CNBD1: variants seen among roughly 807,000 people sequenced by gnomAD.
The protein encoded by CNBD1 is cyclic nucleotide-binding domain-containing protein 1.
CNBD1 carries 71 observed loss-of-function variants against 54.4 expected under a neutral mutation model. That is an observed-to-expected ratio of 1.30 (90% CI 1.08 to 1.59). CNBD1 has a LOEUF of 1.59. Among genes scored for constraint, CNBD1 ranks in the 40% most tolerant of loss-of-function variants. The pLI is 0.00. For missense variants in CNBD1, 659 were observed against 518.0 expected, an observed-to-expected ratio of 1.27 and a Z score of -2.64; for synonymous variants, 182 against 170.7, an observed-to-expected ratio of 1.07 and a Z score of -0.51.
chr8:87,304,940 T>C (rs1455488569), intron 8 of CNBD1, among the ~76,000 whole-genome samples: 1 of 152,068 alleles, frequency 6.6e-6, no homozygotes, highest in Non-Finnish European at 1.5e-5. Context: ...ATAAAGGGCA[T>C]CCAAATTGGT....
chr8:87,219,013 G>T (rs114570493), intron 5 of CNBD1, among the ~76,000 whole-genome samples: 3,667 of 151,814 alleles, frequency 0.024, 133 homozygotes, highest in African/African-American at 0.071. Flanking sequence ...AATATGTGTT[G>T]TTATGCATAA....
At chr8:87,090,110 A>C (rs1269682170) in intron 4 of CNBD1, among the ~76,000 whole-genome samples, 18 of 152,172 alleles carry the variant, frequency 1.2e-4, no homozygotes. Flanking sequence ...CTGTTTAATT[A>C]ATATGCAGTT....
At chr8:87,325,374 C>T (rs1427578601) in intron 8 of CNBD1, among the ~76,000 whole-genome samples, 3 of 90,270 alleles carry the variant, frequency 3.3e-5, no homozygotes, top group Admixed American at 9.8e-5. Flanking sequence ...CTTTCTGTCT[C>T]GTTGATCTGT....
chr8:87,308,051 C>T (rs1055202275), intron 8 of CNBD1, among the ~76,000 whole-genome samples: 6 of 152,050 alleles, frequency 3.9e-5, no homozygotes, highest in Admixed American at 6.6e-5. Flanking sequence ...GCAAAAGTAG[C>T]TACATTGTCT....
chr8:87,031,689 C>G (rs1457740378), intron 4 of CNBD1, among the ~76,000 whole-genome samples: 1 of 152,124 alleles, frequency 6.6e-6, no homozygotes, highest in Non-Finnish European at 1.5e-5. Context: ...AAATCTCATT[C>G]CTCCATTAGT....
chr8:87,387,523 T>G (rs1205341150), downstream of CNBD1, among the ~76,000 whole-genome samples: 1 of 152,098 alleles, frequency 6.6e-6, no homozygotes, highest in Non-Finnish European at 1.5e-5. Flanking sequence ...CATTACATAA[T>G]GGTAAAGGGA....
chr8:87,390,082 T>C (rs1446601311), intron 2 of CNBD1, among the ~76,000 whole-genome samples: 3 of 150,886 alleles, frequency 2.0e-5, no homozygotes, highest in Non-Finnish European at 4.4e-5. Context: ...CCTTACACCT[T>C]ATACAAAAAT....
intron 4 of CNBD1, among the ~76,000 whole-genome samples, chr8:87,031,363 G>A (rs1170462861): frequency 6.6e-6 from 1 of 152,098 alleles, no homozygotes; most frequent in African/African-American, 2.4e-5. Context: ...GGCAAGTAAA[G>A]CATCAAACTG....
chr8:87,399,026 C>A (rs1009664374), intron 2 of CNBD1, among the ~76,000 whole-genome samples: 1 of 151,976 alleles, frequency 6.6e-6, no homozygotes, highest in South Asian at 2.1e-4. Flanking sequence ...CCCTACCCCA[C>A]GCAACTCCTA....
chr8:87,265,316 T>C (rs572237959), intron 6 of CNBD1, among the ~76,000 whole-genome samples: 4 of 152,050 alleles, frequency 2.6e-5, no homozygotes, highest in South Asian at 2.1e-4. Context: ...GTTGTAGATA[T>C]GTGGCGTTAT....
chr8:87,319,142 A>T (rs1266055245), intron 8 of CNBD1, among the ~76,000 whole-genome samples: 1 of 152,234 alleles, frequency 6.6e-6, no homozygotes, highest in East Asian at 1.9e-4. Context: ...AGAGCACATG[A>T]AGGATATTGA....
intron 3 of CNBD1, among the ~76,000 whole-genome samples, chr8:86,929,449 C>T (rs1229484586): frequency 6.6e-6 from 1 of 152,214 alleles, no homozygotes; most frequent in South Asian, 2.1e-4. Flanking sequence ...CTAACTATGG[C>T]ATAACCTGCC....
At chr8:87,377,347 C>A (rs529233200) in intron 10 of CNBD1, among the ~76,000 whole-genome samples, 3 of 149,944 alleles carry the variant, frequency 2.0e-5, no homozygotes, top group African/African-American at 7.4e-5. Context: ...ATTCCCCTTC[C>A]TGTGTCCATG....
At chr8:87,341,830 T>C (rs1364605487) in intron 8 of CNBD1, among the ~76,000 whole-genome samples, 1 of 152,212 alleles carries the variant, frequency 6.6e-6, no homozygotes, top group Non-Finnish European at 1.5e-5. Flanking sequence ...GCTTCCAGAA[T>C]TGTGAAAAAA....
chr8:86,919,476 T>C (rs1289665613), intron 3 of CNBD1, among the ~76,000 whole-genome samples: 1 of 152,160 alleles, frequency 6.6e-6, no homozygotes, highest in East Asian at 1.9e-4. Context: ...TGATAAAACA[T>C]CTGCCTTTAT....
chr8:87,382,678 A>G lies in CNBD1; in HGVS notation c.*51A>G. 2 of 1,365,602 alleles carry G rather than the reference A, an allele frequency of 1.5e-6. No individual in the cohort carries two copies. Among genetic ancestry groups the G allele is most frequent in the Non-Finnish European group, 2.0e-6 (2 of 984,190 alleles). 84.6% of individuals were successfully genotyped at this position (1,365,602 alleles called of 1,614,324 possible). On this transcript the variant is annotated 3_prime_UTR_variant, in exon 11 of 11. Transcript: ENST00000518476. ...TAATTAAGAAAGTATTGACTAAATA[A>G]TGGAATAATTGCATTCTGGAATACT...
At chr8:87,140,635 A>G (rs1191456276) in intron 4 of CNBD1, among the ~76,000 whole-genome samples, 1 of 152,172 alleles carries the variant, frequency 6.6e-6, no homozygotes, top group Non-Finnish European at 1.5e-5. Context: ...ATTTTTATCT[A>G]GAGAAAGAAG....
intron 3 of CNBD1, among the ~76,000 whole-genome samples, chr8:86,922,050 GA>G (rs1399649638): frequency 1.3e-5 from 2 of 152,082 alleles, no homozygotes; most frequent in Non-Finnish European, 2.9e-5. Context: ...AGGCTTTCTT[GA>G]GGAAGGAATG....
At chr8:86,883,590 G>A (rs1808635115) in intron 1 of CNBD1, among the ~76,000 whole-genome samples, 1 of 152,104 alleles carries the variant, frequency 6.6e-6, no homozygotes, top group Non-Finnish European at 1.5e-5. Context: ...GGAGAGAATG[G>A]TGTCACAAAA....
Sources: gnomAD v4.1 joint callset for allele counts (sites outside exome capture counted in the v4.1 genomes callset) on GRCh38, gnomAD v4.1.1 for gene constraint, MANE v1.5 for transcripts, NCBI Gene and HGNC (gene_info 2026-07-23, HGNC 2026-07-21) for gene names.